The following SMG7 variants were observed in gnomAD, a reference collection of about 807,000 sequenced individuals.
SMG7 encodes the protein SMG7 nonsense mediated mRNA decay factor.
A neutral mutation model predicts 148.2 loss-of-function variants in SMG7; 34 were observed. The ratio of observed to expected loss-of-function variants is 0.23; its 90% CI spans 0.17 to 0.31. The LOEUF is 0.31. SMG7 is among the 10% of genes least tolerant of loss of function. The probability of loss-of-function intolerance (pLI) is 1.00; values close to 1 mark genes in which losing one functional copy is unlikely to be tolerated. For missense variants in SMG7, 1,114 were observed against 1,408.4 expected (o/e 0.79, Z 3.35); for synonymous variants, 492 against 515.1 (o/e 0.96, Z 0.61).
At chr1:183,498,240 C>T (rs1024712309) in intron 1 of SMG7, among the ~76,000 whole-genome samples, 1 of 152,030 alleles carries the variant, frequency 6.6e-6, no homozygotes, top group Admixed American at 6.6e-5. Flanking sequence ...TTTTATAAAG[C>T]ACTGTTTCAG....
chr1:183,545,155 C>A lies in SMG7; in HGVS notation c.2213C>A (p.Pro738Gln), dbSNP rs760871911. The change falls in exon 16 of 23, where the codon CCA becomes CAA. Residue 738 changes from proline (P) to glutamine (Q), a missense_variant. Physicochemically the swap from Pro to Gln is moderately conservative, Grantham distance 76. Transcript: ENST00000688051. ...AACCAGGGACCTCAACAATCACAGC[C>A]ACCTTCCCAGCAACCCCTTACATCT... ...PMNQGPQQSQPPSQQPLTSLP... is the reference protein window; with the variant it reads ...PMNQGPQQSQQPSQQPLTSLP... 1 of 1,614,130 alleles carries A rather than the reference C, an allele frequency of 6.2e-7. No individual in the cohort carries two copies. The highest frequency in any genetic ancestry group is 1.7e-5 in the Admixed American group (1 of 60,018).
intron 1 of SMG7, among the ~76,000 whole-genome samples, chr1:183,506,559 T>C (rs1203712710): frequency 1.3e-5 from 2 of 152,040 alleles, no homozygotes; most frequent in Non-Finnish European, 2.9e-5. Flanking sequence ...GTGTTTATGG[T>C]TATGATTGAG....
At position 183,526,679 on chromosome 1, in the gene SMG7, A is replaced by G; in HGVS notation, c.396A>G (p.Lys132=). ...KSSQLGIISN[K]QTHTSAIVKP... ...CCCAATTGGGAATTATCAGCAATAA[A>G]CAGACGCATACCAGCGCCATAGTGA... The change falls in exon 5 of 23, where the codon AAA becomes AAG. Residue 132 remains lysine, a synonymous_variant. Transcript: ENST00000688051. 6.2e-7 allele frequency: 1 copy of G among 1,613,718 alleles called. No individual in the cohort carries two copies. The highest frequency in any genetic ancestry group is 8.5e-7 in the Non-Finnish European group (1 of 1,179,746).
chr1:183,509,329 A>C (rs1198603713), intron 1 of SMG7, among the ~76,000 whole-genome samples: 2 of 152,236 alleles, frequency 1.3e-5, no homozygotes, highest in Non-Finnish European at 2.9e-5. Context: ...CTTAAATGTG[A>C]ATGTTCCTAG....
rs1666160718 is a variant in SMG7, at chr1:183,527,850, C to T, written c.485-106C>T. The T allele has an allele frequency of 2.8e-6, 2 of 722,036 alleles. No homozygotes were observed. Among genetic ancestry groups the T allele is most frequent in the South Asian group, 3.4e-5 (2 of 59,554 alleles). 44.7% of individuals were successfully genotyped at this position (722,036 alleles called of 1,614,324 possible). On this transcript the variant is annotated intron_variant, in intron 5 of 22. Transcript: ENST00000688051. This position sits in a 1 kb window ranked among gnomAD's most constrained non-coding sequence, Gnocchi z 4.0. ...TATTTTGTCTTTAATTTTAAATTAA[C>T]TTTAATGTCTTTATTATCTTTAGAA...
chr1:183,487,921 A>G (rs897289959), intron 1 of SMG7, among the ~76,000 whole-genome samples: 2 of 152,208 alleles, frequency 1.3e-5, no homozygotes, highest in Admixed American at 6.5e-5. Flanking sequence ...ATATAAGTAC[A>G]GTTGAGAGTC....
At chr1:183,496,936 G>A (rs1043513034) in intron 1 of SMG7, among the ~76,000 whole-genome samples, 14 of 152,162 alleles carry the variant, frequency 9.2e-5, no homozygotes, top group African/African-American at 3.1e-4. Flanking sequence ...GCCATGGATT[G>A]GACAGGCTTA....
At chr1:183,486,331 A>G (rs1387275643) in intron 1 of SMG7, among the ~76,000 whole-genome samples, 1 of 152,216 alleles carries the variant, frequency 6.6e-6, no homozygotes, top group Non-Finnish European at 1.5e-5. Context: ...AATAATTAGT[A>G]CTATTCTTCA....
intron 14 of SMG7, among the ~76,000 whole-genome samples, chr1:183,544,040 G>GT (rs1019858267): frequency 6.6e-6 from 1 of 152,138 alleles, no homozygotes; most frequent in African/African-American, 2.4e-5. Flanking sequence ...TCATAGACAA[G>GT]TTTTTTTCAA....
chr1:183,538,681 C>T (rs760949317), intron 12 of SMG7, among the ~76,000 whole-genome samples: 30 of 152,294 alleles, frequency 2.0e-4, no homozygotes, highest in Non-Finnish European at 4.0e-4. Flanking sequence ...TCCCTTCTCA[C>T]CTCCCTAAGA....
At chr1:183,524,454 G>A (rs927270279) in intron 4 of SMG7, among the ~76,000 whole-genome samples, 3 of 152,136 alleles carry the variant, frequency 2.0e-5, no homozygotes, top group Middle Eastern at 3.4e-3. Context: ...TGAATTTCTT[G>A]CCCATTACAA....
At chr1:183,472,782 G>A (rs1650999395) in intron 1 of SMG7, 133 bp downstream of exon 1, 1 of 755,180 alleles carries the variant, frequency 1.3e-6, no homozygotes, top group East Asian at 3.3e-5. Flanking sequence ...GGTCGGCGGA[G>A]ACTGCAAGGG....
At chr1:183,482,495 A>T (rs1447996709) in intron 1 of SMG7, among the ~76,000 whole-genome samples, 1 of 152,014 alleles carries the variant, frequency 6.6e-6, no homozygotes, top group Non-Finnish European at 1.5e-5. Context: ...GGAAATGATG[A>T]CAGTGTTAGT....
At chr1:183,539,628 G>A (rs1271830793) in intron 12 of SMG7, among the ~76,000 whole-genome samples, 1 of 152,142 alleles carries the variant, frequency 6.6e-6, no homozygotes. Flanking sequence ...TATATTTTCC[G>A]ATTTGGTCAG....
chr1:183,549,838 C>T lies in SMG7; in HGVS notation c.3048C>T (p.Leu1016=). ...KNLTSSSKAE[L]SPSMAPQETS... ...TGACATCCAGCTCCAAAGCAGAACT[C>T]AGTCCCTCAATGGCCCCCCAGGAAA... The change falls in exon 20 of 23, where the codon CTC becomes CTT. Residue 1016 remains leucine (L), a synonymous_variant. Coordinates refer to ENST00000688051, the MANE Select transcript of SMG7 (RefSeq NM_001375584.1). The T allele has an allele frequency of 6.2e-7, 1 of 1,613,730 alleles. No individual in the cohort carries two copies. Among genetic ancestry groups the T allele is most frequent in the Non-Finnish European group, 8.5e-7 (1 of 1,179,652 alleles).
At chr1:183,535,530 T>C (rs1340128432) in intron 10 of SMG7, among the ~76,000 whole-genome samples, 1 of 152,218 alleles carries the variant, frequency 6.6e-6, no homozygotes, top group African/African-American at 2.4e-5. Context: ...TCTAATACAC[T>C]AAAGTTATAA....
intron 4 of SMG7, among the ~76,000 whole-genome samples, chr1:183,518,191 G>A (rs1439459461): frequency 2.6e-5 from 4 of 151,646 alleles, no homozygotes; most frequent in African/African-American, 9.7e-5. Flanking sequence ...CAAGTGATCC[G>A]CCCACCTCAG....
At chr1:183,474,386 A>G (rs2101988987) in intron 1 of SMG7, among the ~76,000 whole-genome samples, 1 of 152,204 alleles carries the variant, frequency 6.6e-6, no homozygotes, top group East Asian at 1.9e-4. Flanking sequence ...AGCATGGTGA[A>G]ACCACGTCTC....
At chr1:183,504,916 T>C (rs1660562146) in intron 1 of SMG7, among the ~76,000 whole-genome samples, 1 of 152,166 alleles carries the variant, frequency 6.6e-6, no homozygotes, top group African/African-American at 2.4e-5. Context: ...ATTCTGACTC[T>C]TTTTCAAGGC....
Sources: allele counts gnomAD v4.1 joint callset (sites outside exome capture counted in the v4.1 genomes callset), GRCh38; gene constraint gnomAD v4.1.1; non-coding constraint Gnocchi (gnomAD v3.1); transcripts MANE v1.5; gene names NCBI Gene and HGNC (gene_info 2026-07-23, HGNC 2026-07-21).